Variants in SRBD1 observed in about 807,000 individuals in gnomAD.
The protein encoded by SRBD1 is S1 RNA binding domain 1.
A neutral mutation model predicts 115.3 loss-of-function variants in SRBD1; 88 were observed. The observed-to-expected ratio is 0.76, with a 90% confidence interval of 0.64 to 0.91. The LOEUF (loss-of-function observed/expected upper bound fraction) is 0.91. Ranked by LOEUF, SRBD1 falls within the 40% of genes least tolerant of loss-of-function variation. The probability of loss-of-function intolerance (pLI) is 0.00; values close to 1 mark genes in which losing one functional copy is unlikely to be tolerated. For synonymous variants in SRBD1, 509 were observed against 407.7 expected, an observed-to-expected ratio of 1.25 and a Z score of -2.99; for missense variants, 1,385 against 1,177.4, an observed-to-expected ratio of 1.18 and a Z score of -2.58.
intron 14 of SRBD1, among the ~76,000 whole-genome samples, chr2:45,538,507 T>A (rs1267465369): frequency 6.6e-6 from 1 of 152,228 alleles, no homozygotes; most frequent in Non-Finnish European, 1.5e-5. Flanking sequence ...GACATTTAAT[T>A]GAACTTATCT....
At chr2:45,547,780 T>C (rs1672168033) in intron 12 of SRBD1, among the ~76,000 whole-genome samples, 168 bp from the exon 13 acceptor site, 1 of 152,238 alleles carries the variant, frequency 6.6e-6, no homozygotes, top group Non-Finnish European at 1.5e-5. Flanking sequence ...CTCTCTGAAG[T>C]ATTGCTCTTT....
chr2:45,607,898 C>T (rs1173785051), intron 1 of SRBD1, among the ~76,000 whole-genome samples: 1 of 152,140 alleles, frequency 6.6e-6, no homozygotes, highest in Non-Finnish European at 1.5e-5. Context: ...TAAAATACTG[C>T]CCTCTAGGGA....
At chr2:45,600,759 C>T (rs559770542) in intron 3 of SRBD1, among the ~76,000 whole-genome samples, 1 of 152,324 alleles carries the variant, frequency 6.6e-6, no homozygotes, top group South Asian at 2.1e-4. Flanking sequence ...TACCCCTAAG[C>T]TGGTCTGTTC....
intron 5 of SRBD1, among the ~76,000 whole-genome samples, chr2:45,583,274 A>T (rs1673422134): frequency 6.6e-6 from 1 of 152,288 alleles, no homozygotes; most frequent in South Asian, 2.1e-4. Flanking sequence ...AATTAAAAAG[A>T]AGAATATGCA....
chr2:45,436,703 G>A (rs992104906), intron 16 of SRBD1, among the ~76,000 whole-genome samples: 1 of 152,062 alleles, frequency 6.6e-6, no homozygotes, highest in African/African-American at 2.4e-5. Context: ...AACAGCATAG[G>A]GGAAACCACC....
Position 45,611,230 on chromosome 2 carries a change from G to T in SRBD1, c.-12C>A, listed in dbSNP as rs886376632. The T allele has an allele frequency of 6.6e-6, 1 of 151,764 alleles. No individual in the cohort carries two copies. Among genetic ancestry groups the T allele is most frequent in the South Asian group, 2.1e-4 (1 of 4,830 alleles). 9.4% of individuals were successfully genotyped at this position (151,764 alleles called of 1,614,324 possible). On this transcript the variant is annotated 5_prime_UTR_variant, in exon 1 of 21. Coordinates refer to ENST00000263736, the MANE Select transcript of SRBD1 (RefSeq NM_018079.5). ...CACGCACAGCTCACCTTCCCGCCCG[G>T]CACGTCAGAAGACCCGAGATTCCGT...
intron 16 of SRBD1, among the ~76,000 whole-genome samples, chr2:45,426,839 C>T (rs896056774): frequency 1.3e-5 from 2 of 152,108 alleles, no homozygotes; most frequent in Non-Finnish European, 2.9e-5. Flanking sequence ...AATCCCCATC[C>T]GAAGGTCACC....
chr2:45,580,164 G>T, intron 6 of SRBD1, 151 bp from the exon 7 acceptor site: 1 of 625,068 alleles, frequency 1.6e-6, no homozygotes, highest in Non-Finnish European at 2.5e-6. Context: ...AAACTAATTT[G>T]AAAATGCTTT....
intron 16 of SRBD1, among the ~76,000 whole-genome samples, chr2:45,472,111 A>ACACACC (rs1275138369): frequency 6.6e-6 from 1 of 152,124 alleles, no homozygotes; most frequent in Non-Finnish European, 1.5e-5. Flanking sequence ...AAAATATCTC[A>ACACACC]CACACCCACA....
chr2:45,500,741 T>C (rs1670606882), intron 14 of SRBD1, among the ~76,000 whole-genome samples: 1 of 152,222 alleles, frequency 6.6e-6, no homozygotes, highest in East Asian at 1.9e-4. Context: ...CATATGTTGA[T>C]TTTGTATTCT....
intron 18 of SRBD1, among the ~76,000 whole-genome samples, chr2:45,413,563 A>C (rs140328166): frequency 6.6e-6 from 1 of 152,136 alleles, no homozygotes; most frequent in Non-Finnish European, 1.5e-5. Flanking sequence ...CAAAATAATA[A>C]TATTTCCCAG....
chr2:45,498,159 T>A (rs1343656676), intron 14 of SRBD1, among the ~76,000 whole-genome samples: 2 of 151,966 alleles, frequency 1.3e-5, no homozygotes, highest in Admixed American at 1.3e-4. Flanking sequence ...TAATCATTAA[T>A]GATGTAAACC....
At chr2:45,395,491 G>A (rs1286241254) in intron 19 of SRBD1, among the ~76,000 whole-genome samples, 1 of 152,156 alleles carries the variant, frequency 6.6e-6, no homozygotes, top group Non-Finnish European at 1.5e-5. Flanking sequence ...TAACCTGGGT[G>A]CGTATTTCAT....
intron 14 of SRBD1, among the ~76,000 whole-genome samples, chr2:45,491,885 A>C (rs1446069982): frequency 6.6e-6 from 1 of 151,994 alleles, no homozygotes; most frequent in Admixed American, 6.5e-5. Flanking sequence ...GCAATGGCGC[A>C]ATCTCGGCTC....
chr2:45,535,385 G>A (rs1449766515), intron 14 of SRBD1, among the ~76,000 whole-genome samples: 1 of 151,950 alleles, frequency 6.6e-6, no homozygotes, highest in African/African-American at 2.4e-5. Flanking sequence ...GATGTCCAGT[G>A]GTTATTTTTC....
chr2:45,437,357 T>TAAAAAAAAA (rs144108756), intron 16 of SRBD1, among the ~76,000 whole-genome samples: 1 of 133,970 alleles, frequency 7.5e-6, no homozygotes. Flanking sequence ...AGTATTGGTT[T>TAAAAAAAAA]AAAAAAAAAA....
chr2:45,488,644 C>T (rs147248985), intron 14 of SRBD1, among the ~76,000 whole-genome samples: 2 of 152,074 alleles, frequency 1.3e-5, no homozygotes, highest in African/African-American at 4.8e-5. Flanking sequence ...TCCCATGATG[C>T]CAACTTCAAA....
chr2:45,448,449 A>G lies in SRBD1; in HGVS notation c.2049+28544T>C, dbSNP rs528880997. On this transcript the variant is annotated intron_variant, in intron 16 of 20. Transcript: ENST00000263736. ...CAAACTTGGAGTGGACCATTCTACTATTATGACAAAGGTATTCAGCATTAG... is the reference window on the plus strand; with the variant it reads ...CAAACTTGGAGTGGACCATTCTACTGTTATGACAAAGGTATTCAGCATTAG... 3.3e-5 allele frequency among the ~76,000 whole-genome samples: 5 copies of G among 152,330 alleles called. No individual in the cohort carries two copies. In the South Asian group the frequency reaches 8.3e-4, roughly 25 times the overall value.
chr2:45,444,589 T>G (rs116344298), intron 16 of SRBD1, among the ~76,000 whole-genome samples: 1,948 of 152,306 alleles, frequency 0.013, 35 homozygotes, highest in African/African-American at 0.044. Context: ...AATCAAAATA[T>G]GCAAATAAAT....
Sources: allele counts gnomAD v4.1 joint callset (sites outside exome capture counted in the v4.1 genomes callset), GRCh38; gene constraint gnomAD v4.1.1; transcripts MANE v1.5; gene names NCBI Gene and HGNC (gene_info 2026-07-23, HGNC 2026-07-21).